NBPF12: variants seen among roughly 807,000 people sequenced by gnomAD.
The protein encoded by NBPF12 is NBPF family member NBPF12.
NBPF12 carries 115 observed loss-of-function variants against 146.4 expected under a neutral mutation model. The observed-to-expected ratio is 0.79, with a 90% CI of 0.68 to 0.92. The LOEUF is 0.92. Among genes scored for constraint, NBPF12 ranks in the 40% least tolerant of loss-of-function variants. The pLI is 0.00. For missense variants in NBPF12, 1,205 were observed against 1,326.8 expected, an observed-to-expected ratio of 0.91 and a Z score of 1.43; for synonymous variants, 385 against 508.9, an observed-to-expected ratio of 0.76 and a Z score of 3.28.
chr1:146,973,323 A>G (rs1367086469), intron 14 of NBPF12, among the ~76,000 whole-genome samples: 4 of 151,782 alleles, frequency 2.6e-5, no homozygotes, highest in African/African-American at 4.9e-5. Flanking sequence ...TAAATGTCTG[A>G]GACTAGTGAA....
chr1:146,992,657 C>T lies in NBPF12; in HGVS notation c.3849-55C>T, dbSNP rs1389840448. Reference sequence around the variant, plus strand: ...TGCTACCCATGAAACCTAGTTGGGGCTCTGTTGTGTCTGATTTCCCCTGGC... The same window carrying T: ...TGCTACCCATGAAACCTAGTTGGGGTTCTGTTGTGTCTGATTTCCCCTGGC... On this transcript the variant is annotated intron_variant, in intron 31 of 33. Transcript: ENST00000617844. 7.0e-5 allele frequency: 54 copies of T among 768,592 alleles called. No individual in the cohort carries two copies. In the African/African-American group the frequency reaches 7.5e-4, roughly 11 times the overall value. 47.6% of individuals were successfully genotyped at this position (768,592 alleles called of 1,614,324 possible). A position where few individuals can be genotyped will look rare whatever the true frequency, so the allele number is the denominator to read the frequency against.
At position 146,955,070 on chromosome 1, in the gene NBPF12, C is replaced by A. The variant is rs1238711695; in HGVS notation, c.-184+3581C>A. On this transcript the variant is annotated intron_variant, in intron 2 of 33. Coordinates refer to ENST00000617844, the Ensembl canonical transcript of NBPF12. ...TGATAAGATAAACAGCACAATGAAA[C>A]AATTTCTCAAAAGACTTGAATAGAT... Among the ~76,000 whole-genome samples the A allele has an allele frequency of 3.5e-4, 33 of 94,158 alleles. No individual in the cohort carries two copies. In the East Asian group the frequency reaches 9.6e-3, roughly 27 times the overall value. The allele number at this position is 94,158 out of a possible 152,430, so 61.8% of individuals were successfully genotyped here. A position where few individuals can be genotyped will look rare whatever the true frequency, so the allele number is the denominator to read the frequency against.
chr1:146,972,181 G>A (rs1242973233), intron 13 of NBPF12, among the ~76,000 whole-genome samples: 1 of 150,776 alleles, frequency 6.6e-6, no homozygotes, highest in Non-Finnish European at 1.5e-5. Context: ...GAACACCTGA[G>A]GTCAGGAGTT....
At chr1:146,954,414 G>GA (rs1655469086) in intron 2 of NBPF12, among the ~76,000 whole-genome samples, 1 of 62,702 alleles carries the variant, frequency 1.6e-5, no homozygotes, top group Non-Finnish European at 3.5e-5. Context: ...AAAAAAAAAA[G>GA]GAAAGTCAAC....
rs1463781503 is a variant in NBPF12 at position 146,981,290 on chromosome 1, AAAAAAT to A, written c.2451-1636_2451-1631del. Reference sequence around the variant, plus strand: ...GACTTAAAGTATTAAAAAAAAAAAAAAAAAATATATATATATATATATATACATACA... The same window carrying A: ...GACTTAAAGTATTAAAAAAAAAAAAAATATATATATATATATATACATACA... On this transcript the variant is annotated intron_variant, in intron 19 of 33. Coordinates refer to ENST00000617844, the Ensembl canonical transcript of NBPF12. 8.7e-3 allele frequency among the ~76,000 whole-genome samples: 941 copies of A among 107,656 alleles called. 22 individuals carry two copies. Among genetic ancestry groups the A allele is most frequent in the Non-Finnish European group, 0.012 (639 of 55,400 alleles). 70.6% of individuals were successfully genotyped at this position (107,656 alleles called of 152,430 possible).
chr1:146,940,531 G>A (rs1454381399), intron 1 of NBPF12, among the ~76,000 whole-genome samples: 1 of 147,810 alleles, frequency 6.8e-6, no homozygotes, highest in Non-Finnish European at 1.5e-5. Flanking sequence ...ACTCTGGCCT[G>A]GATGGCAGAG....
At chr1:146,962,818 T>C (rs1354758745) in intron 5 of NBPF12, among the ~76,000 whole-genome samples, 6 of 150,638 alleles carry the variant, frequency 4.0e-5, no homozygotes, top group Admixed American at 3.3e-4. Context: ...AAGGATGTCT[T>C]TTTGAAACGG....
upstream of NBPF12, among the ~76,000 whole-genome samples, chr1:146,945,328 G>A (rs1374780139): frequency 1.3e-5 from 2 of 150,976 alleles, no homozygotes; most frequent in Non-Finnish European, 2.9e-5. Context: ...GGGTGCCACT[G>A]GGGCAGCTGC....
At chr1:146,970,784 C>G in intron 12 of NBPF12, 65 bp downstream of exon 15, 2 of 1,236,950 alleles carry the variant, frequency 1.6e-6, no homozygotes, top group South Asian at 1.2e-5. Context: ...GGAGGCATGC[C>G]CTCTCTGGCA....
upstream of NBPF12, among the ~76,000 whole-genome samples, chr1:146,948,516 G>A (rs1352189525): frequency 6.6e-6 from 1 of 151,786 alleles, no homozygotes; most frequent in Non-Finnish European, 1.5e-5. Flanking sequence ...TGTTCAGGGT[G>A]TGCTTTGTTA....
At position 146,939,972 on chromosome 1, in the gene NBPF12, G is replaced by A. The variant is rs1379017347; in HGVS notation, c.-822+990G>A. Among the ~76,000 whole-genome samples, 7 of 111,354 alleles carry A rather than the reference G, an allele frequency of 6.3e-5. No homozygotes were observed. In the South Asian group the frequency reaches 1.8e-3, roughly 29 times the overall value. 73.1% of individuals were successfully genotyped at this position (111,354 alleles called of 152,430 possible). On this transcript the variant is annotated intron_variant, in intron 1 of 35. Coordinates refer to the NBPF12 transcript ENST00000617931. ...TGCACTCCAGCCTGGGTGACAGAGC[G>A]AGACTCCCTCTAAAAAAAAAAAAAA...
intron 9 of NBPF12, among the ~76,000 whole-genome samples, chr1:146,967,768 A>G (rs1553885807): frequency 0.14 from 20,228 of 144,304 alleles, 1,772 homozygotes; most frequent in Admixed American, 0.24. Flanking sequence ...GTAAATTGCT[A>G]CAGTGAATTA....
At position 146,984,901 on chromosome 1, in the gene NBPF12, G is replaced by A. The variant is rs1657656463; in HGVS notation, c.2755G>A (p.Gly919Arg). 5.0e-6 allele frequency: 8 copies of A among 1,597,238 alleles called. No homozygotes were observed. In the South Asian group the frequency reaches 6.6e-5, roughly 13 times the overall value. ...TTATTCAACTCCTTCAGTTTATCTT[G>A]GACTGACTGACTCATGCCAGCCCTA... is the stretch of plus-strand genomic sequence containing the variant. The change falls in exon 22 of 34, where the codon GGA (glycine) becomes AGA (arginine). Residue 919 changes from glycine (G) to arginine (R), a missense_variant. Transcript: ENST00000617844.
intron 29 of NBPF12, among the ~76,000 whole-genome samples, chr1:146,990,882 C>T (rs1329826123): frequency 2.1e-5 from 2 of 94,182 alleles, no homozygotes; most frequent in Non-Finnish European, 3.9e-5. Flanking sequence ...CCGGCCAATT[C>T]GCTGAGCTCA....
intron 1 of NBPF12, among the ~76,000 whole-genome samples, chr1:146,940,511 G>A (rs1243773602): frequency 4.0e-5 from 6 of 151,322 alleles, no homozygotes; most frequent in Admixed American, 6.6e-5. Flanking sequence ...AGCAGTGATC[G>A]TGCCAGTGCA....
In NBPF12 at chr1:146,966,528, C is replaced by T. The variant is rs1253132706; in HGVS notation, c.843C>T (p.Ser281=). 373 of 1,481,304 alleles carry T rather than the reference C, an allele frequency of 2.5e-4. 3 individuals carry two copies. Among genetic ancestry groups the T allele is most frequent in the Middle Eastern group, 7.1e-4 (3 of 4,210 alleles). 91.8% of individuals were successfully genotyped at this position (1,481,304 alleles called of 1,614,324 possible). A position where few individuals can be genotyped will look rare whatever the true frequency, so the allele number is the denominator to read the frequency against. ...TGGTATCAGCCGGCCCTTTGTCCAG[C>T]GAGAAGGCAGAGATGAACATTCTAG... Residue 281 remains serine (S), a synonymous_variant, in exon 9 of 34, where the codon AGC becomes AGT. Transcript: ENST00000617844.
chr1:146,962,389 C>CA (rs1207332394), intron 5 of NBPF12, 126 bp downstream of exon 8: 9 of 752,824 alleles, frequency 1.2e-5, no homozygotes, highest in Non-Finnish European at 2.1e-5. Flanking sequence ...ATGGCAGGCT[C>CA]ATGACACACA....
At chr1:146,980,245 C>A (rs1229688526) in intron 19 of NBPF12, among the ~76,000 whole-genome samples, 2 of 151,802 alleles carry the variant, frequency 1.3e-5, no homozygotes, top group Non-Finnish European at 2.9e-5. Context: ...TACAGCGCAC[C>A]GATGGGTCTT....
intron 16 of NBPF12, among the ~76,000 whole-genome samples, chr1:146,976,139 C>G (rs1277700066): frequency 1.4e-4 from 21 of 148,056 alleles, no homozygotes; most frequent in South Asian, 2.2e-4. Context: ...CAGCATCTGT[C>G]TAGTTTTAAA....
Sources: gnomAD v4.1 joint callset for allele counts (sites outside exome capture counted in the v4.1 genomes callset) on GRCh38, gnomAD v4.1.1 for gene constraint, MANE v1.5 for transcripts, NCBI Gene and HGNC (gene_info 2026-07-23, HGNC 2026-07-21) for gene names.